The following FANCA variants were observed in gnomAD, a reference collection of about 807,000 sequenced individuals.
FANCA encodes FA complementation group A, also known as Fanconi anemia group A protein.
FANCA carries 236 observed loss-of-function variants against 194.3 expected under a neutral mutation model. The ratio of observed to expected loss-of-function variants is 1.21; its 90% CI spans 1.09 to 1.35. The LOEUF is 1.35. Ranked by LOEUF, FANCA falls within the 40% of genes most tolerant of loss-of-function variation. FANCA has a pLI of 0.00. For missense variants in FANCA, 2,628 were observed against 1,813.9 expected, an observed-to-expected ratio of 1.45 and a Z score of -8.15; for synonymous variants, 1,014 against 715.8, an observed-to-expected ratio of 1.42 and a Z score of -6.65.
chr16:89,739,896 A>T (rs547409635), intron 39 of FANCA, 98 bp downstream of exon 39: 11 of 1,573,692 alleles, frequency 7.0e-6, no homozygotes, highest in Non-Finnish European at 8.6e-6. Context: ...AAACTTACTT[A>T]GCAAGGAACC....
At position 89,778,791 on chromosome 16, in the gene FANCA, T is replaced by C. The variant is rs768942361; in HGVS notation, c.1826+10A>G. The C allele has an allele frequency of 1.9e-6, 3 of 1,613,564 alleles. No individual in the cohort carries two copies. The highest frequency in any genetic ancestry group is 2.5e-6 in the Non-Finnish European group (3 of 1,179,522). ...GAAGTAGTCATCCCCTTCTAACCGTTGCTGCATACCTCTTCAGAGACTCTA... is the reference window on the plus strand; with the variant it reads ...GAAGTAGTCATCCCCTTCTAACCGTCGCTGCATACCTCTTCAGAGACTCTA... On this transcript the variant is annotated intron_variant, in intron 20 of 42. Coordinates refer to ENST00000389301, the MANE Select transcript of FANCA (RefSeq NM_000135.4).
intron 6 of FANCA, among the ~76,000 whole-genome samples, chr16:89,807,176 A>AG (rs1402912718): frequency 6.8e-6 from 1 of 147,688 alleles, no homozygotes; most frequent in African/African-American, 2.6e-5. Flanking sequence ...CCTAGGAAGC[A>AG]GGTTTTTCTT....
At chr16:89,786,698 G>A (rs1434291623) in intron 14 of FANCA, among the ~76,000 whole-genome samples, 2 of 152,174 alleles carry the variant, frequency 1.3e-5, no homozygotes, top group Non-Finnish European at 2.9e-5. Flanking sequence ...TGCTGATAAC[G>A]CTTGTCAAAT....
chr16:89,761,558 A>C (rs760993210), intron 29 of FANCA, among the ~76,000 whole-genome samples: 4 of 152,140 alleles, frequency 2.6e-5, no homozygotes, highest in Admixed American at 2.0e-4. Context: ...CCAAACATTA[A>C]ATTGAGGATA....
Position 89,749,734 on chromosome 16 carries a change from T to G in FANCA, c.3235A>C (p.Lys1079Gln). 1 of 1,613,792 alleles carries G rather than the reference T, an allele frequency of 6.2e-7. No individual in the cohort carries two copies. The highest frequency in any genetic ancestry group is 8.5e-7 in the Non-Finnish European group (1 of 1,179,838). Reference protein sequence around the residue: ...LQRQRELLMYKRILLRLPSSV... With the variant: ...LQRQRELLMYQRILLRLPSSV... ...CCAGGTGGTAGTAGGTGTTACCGTTTGTACATTAGCAGCTCCCTCTGTCTC... is the reference window on the plus strand; with the variant it reads ...CCAGGTGGTAGTAGGTGTTACCGTTGGTACATTAGCAGCTCCCTCTGTCTC... The change falls in exon 32 of 43, where the codon AAA becomes CAA. Residue 1079 changes from lysine (K) to glutamine (Q), a missense_variant. Coordinates refer to ENST00000389301, the MANE Select transcript of FANCA (RefSeq NM_000135.4).
intron 20 of FANCA, among the ~76,000 whole-genome samples, chr16:89,777,712 G>A (rs11076623): frequency 1.1e-4 from 16 of 151,940 alleles, no homozygotes; most frequent in African/African-American, 3.9e-4. Flanking sequence ...CTAGAAACCT[G>A]CAATGTAAGT....
chr16:89,802,408 A>C (rs1429616478), intron 8 of FANCA, among the ~76,000 whole-genome samples: 1 of 148,958 alleles, frequency 6.7e-6, no homozygotes, highest in Non-Finnish European at 1.5e-5. Context: ...AACCTCAGCT[A>C]TTTTTTTCTT....
At chr16:89,787,990 C>G (rs1052900544) in intron 14 of FANCA, among the ~76,000 whole-genome samples, 4 of 151,758 alleles carry the variant, frequency 2.6e-5, no homozygotes, top group African/African-American at 9.7e-5. Context: ...TCTCCTGCCT[C>G]GGCCTTCTGA....
At chr16:89,784,722 G>A (rs952254571) in intron 15 of FANCA, 132 bp downstream of exon 15, 20 of 774,126 alleles carry the variant, frequency 2.6e-5, no homozygotes, top group African/African-American at 1.0e-4. Flanking sequence ...GAAGGGGAAG[G>A]GGAAGGGGAA....
chr16:89,808,124 C>G (rs571938699), intron 6 of FANCA, among the ~76,000 whole-genome samples, 170 bp downstream of exon 6: 1 of 151,970 alleles, frequency 6.6e-6, no homozygotes, highest in South Asian at 2.1e-4. Context: ...AATAATAAAG[C>G]AATAGTTCCT....
At chr16:89,762,983 C>T (rs999329517) in intron 28 of FANCA, among the ~76,000 whole-genome samples, 3 of 148,682 alleles carry the variant, frequency 2.0e-5, no homozygotes, top group South Asian at 2.1e-4. Context: ...CGTGGTGGCT[C>T]ACACCTGTAA....
At chr16:89,743,135 C>T (rs1038879863) in intron 36 of FANCA, among the ~76,000 whole-genome samples, 197 bp from the exon 37 acceptor site, 3 of 152,162 alleles carry the variant, frequency 2.0e-5, no homozygotes, top group African/African-American at 7.2e-5. Flanking sequence ...CTGGTGCTGC[C>T]CCCACAGCAT....
intron 16 of FANCA, 30 bp downstream of exon 16, chr16:89,782,977 G>A (rs748584649): frequency 1.1e-5 from 18 of 1,611,786 alleles, no homozygotes; most frequent in Non-Finnish European, 1.4e-5. Flanking sequence ...TGGGACAGGT[G>A]TGAGGAGTGG....
At chr16:89,761,661 G>A (rs191733307) in intron 29 of FANCA, among the ~76,000 whole-genome samples, 127 of 152,248 alleles carry the variant, frequency 8.3e-4, no homozygotes, top group African/African-American at 2.8e-3. Context: ...GTCTCACTCC[G>A]TTGCACAGGC....
At chr16:89,765,813 A>C (rs1485877275) in intron 27 of FANCA, among the ~76,000 whole-genome samples, 1 of 152,212 alleles carries the variant, frequency 6.6e-6, no homozygotes, top group Admixed American at 6.5e-5. Context: ...TGTTTTCTTT[A>C]AAAACTTGGC....
chr16:89,803,169 G>A (rs1170367763), intron 8 of FANCA, 90 bp downstream of exon 8: 40 of 1,241,086 alleles, frequency 3.2e-5, no homozygotes, highest in Non-Finnish European at 4.0e-5. Context: ...CAAACAGCAC[G>A]TTTCAATAGA....
chr16:89,786,719 G>A (rs1196097358), intron 14 of FANCA, among the ~76,000 whole-genome samples: 1 of 152,214 alleles, frequency 6.6e-6, no homozygotes, highest in African/African-American at 2.4e-5. Context: ...GTCTCTGAGA[G>A]GGACAGAGTC....
chr16:89,804,657 C>G (rs1306976283), intron 7 of FANCA, among the ~76,000 whole-genome samples: 4 of 152,184 alleles, frequency 2.6e-5, no homozygotes, highest in African/African-American at 9.7e-5. Context: ...GGGTTGGTCC[C>G]TAGTCTGAGC....
rs530619438 is a variant in FANCA, at chr16:89,746,641, G to A, written c.3456C>T (p.Val1152=). Residue 1152 remains valine (V), a synonymous_variant, in exon 35 of 43, where the codon GTC becomes GTT. Transcript: ENST00000389301. ...CLRSRDPSLM[V]DFILAKCQTK... The stretch of plus-strand genomic sequence containing the variant: ...TCTGGCACTTGGCCAGTATGAAGTC[G>A]ACCATCAGGGAGGGGTCTCTGCTCC... The A allele has an allele frequency of 1.6e-5, 26 of 1,614,136 alleles. No individual in the cohort carries two copies. Among genetic ancestry groups the A allele is most frequent in the South Asian group, 1.2e-4 (11 of 91,036 alleles).
Sources: gnomAD v4.1 joint callset for allele counts (sites outside exome capture counted in the v4.1 genomes callset) on GRCh38, gnomAD v4.1.1 for gene constraint, MANE v1.5 for transcripts, NCBI Gene and HGNC (gene_info 2026-07-23, HGNC 2026-07-21) for gene names.